Variants in CADM2 observed in about 807,000 individuals in gnomAD.
CADM2 encodes immunoglobulin superfamily member 4D.
A neutral mutation model predicts 49.8 loss-of-function variants in CADM2; 12 were observed. The ratio of observed to expected loss-of-function variants is 0.24; its 90% CI spans 0.15 to 0.39. The LOEUF (loss-of-function observed/expected upper bound fraction) is 0.39, where lower values mean the gene tolerates loss of function less well. Among genes scored for constraint, CADM2 ranks in the 10% least tolerant of loss-of-function variants. The pLI, the probability that CADM2 is intolerant of heterozygous loss-of-function variation, is 1.00. For missense variants in CADM2, 378 were observed against 492.3 expected (o/e 0.77, Z 2.20); for synonymous variants, 214 against 175.4 (o/e 1.22, Z -1.74).
At chr3:85,239,767 C>A (rs1333690828) in intron 1 of CADM2, among the ~76,000 whole-genome samples, 1 of 151,000 alleles carries the variant, frequency 6.6e-6, no homozygotes, top group Non-Finnish European at 1.5e-5. Context: ...AAATAATTGA[C>A]TTCTTTAAAA....
At chr3:86,058,239 A>C (rs148862931) in intron 8 of CADM2, among the ~76,000 whole-genome samples, 6 of 152,262 alleles carry the variant, frequency 3.9e-5, no homozygotes, top group African/African-American at 1.4e-4. Flanking sequence ...CAGTTTTCAC[A>C]TGGAGTAAAT....
At chr3:85,485,226 A>G (rs2039369995) in intron 1 of CADM2, among the ~76,000 whole-genome samples, 1 of 151,900 alleles carries the variant, frequency 6.6e-6, no homozygotes, top group South Asian at 2.1e-4. Flanking sequence ...TTATTCACCA[A>G]TATAAATTCC....
chr3:85,246,880 G>A (rs1024611248), intron 1 of CADM2, among the ~76,000 whole-genome samples: 6 of 152,044 alleles, frequency 3.9e-5, no homozygotes, highest in African/African-American at 1.4e-4. Flanking sequence ...TGGTGTTTGT[G>A]TGAGAGATTT....
At chr3:85,911,815 A>T (rs993113730) in intron 5 of CADM2, among the ~76,000 whole-genome samples, 4 of 152,170 alleles carry the variant, frequency 2.6e-5, no homozygotes, top group Non-Finnish European at 5.9e-5. Flanking sequence ...ATATAAGAAT[A>T]TCTTGTGCCT....
At chr3:85,213,938 T>A (rs1167126428) in intron 1 of CADM2, among the ~76,000 whole-genome samples, 1 of 152,162 alleles carries the variant, frequency 6.6e-6, no homozygotes, top group Non-Finnish European at 1.5e-5. Context: ...TCAATATTTG[T>A]TAAATTTATC....
intron 8 of CADM2, among the ~76,000 whole-genome samples, chr3:86,016,091 T>G: frequency 6.6e-6 from 1 of 152,122 alleles, no homozygotes. Context: ...ATTTACGAGC[T>G]TCTAGAAATT....
At chr3:85,036,625 G>A (rs2035223109) in intron 1 of CADM2, among the ~76,000 whole-genome samples, 1 of 152,050 alleles carries the variant, frequency 6.6e-6, no homozygotes, top group South Asian at 2.1e-4. Flanking sequence ...AAAAAAGAAT[G>A]TTATCCTTCA....
At chr3:84,996,925 A>C (rs2033211315) in intron 1 of CADM2, among the ~76,000 whole-genome samples, 1 of 152,122 alleles carries the variant, frequency 6.6e-6, no homozygotes, top group Admixed American at 6.6e-5. Flanking sequence ...GAAAATGTGT[A>C]AATGCTACTC....
chr3:86,005,387 T>C (rs557704107), intron 8 of CADM2, among the ~76,000 whole-genome samples: 1 of 151,828 alleles, frequency 6.6e-6, no homozygotes, highest in Non-Finnish European at 1.5e-5. Context: ...CCCATTCCTA[T>C]TAAAAATACA....
intron 1 of CADM2, among the ~76,000 whole-genome samples, chr3:85,470,376 C>G (rs1471553569): frequency 1.2e-4 from 19 of 152,106 alleles, no homozygotes; most frequent in Non-Finnish European, 1.5e-5. Flanking sequence ...CTTTCAAAAA[C>G]TTAAAGACAC....
At chr3:85,956,604 A>G (rs1303946776) in intron 7 of CADM2, among the ~76,000 whole-genome samples, 1 of 150,848 alleles carries the variant, frequency 6.6e-6, no homozygotes, top group African/African-American at 2.4e-5. Flanking sequence ...ACACAACTAT[A>G]TCCTCCTGTT....
At chr3:85,309,309 T>C (rs1214414232) in intron 1 of CADM2, among the ~76,000 whole-genome samples, 1 of 152,146 alleles carries the variant, frequency 6.6e-6, no homozygotes, top group Non-Finnish European at 1.5e-5. Context: ...ACTTTTCCAC[T>C]TATAATTTAA....
intron 1 of CADM2, among the ~76,000 whole-genome samples, chr3:85,047,974 T>C (rs954597824): frequency 2.0e-5 from 3 of 152,120 alleles, no homozygotes; most frequent in Non-Finnish European, 4.4e-5. Flanking sequence ...CCCCAACTTT[T>C]AATTAATGTA....
At chr3:85,999,984 G>A (rs935275671) in intron 8 of CADM2, among the ~76,000 whole-genome samples, 1 of 152,130 alleles carries the variant, frequency 6.6e-6, no homozygotes, top group South Asian at 2.1e-4. Flanking sequence ...AAGAGATGTT[G>A]AATATATTGT....
chr3:85,774,143 G>A (rs917661441), intron 2 of CADM2, among the ~76,000 whole-genome samples: 5 of 151,386 alleles, frequency 3.3e-5, no homozygotes, highest in African/African-American at 1.2e-4. Flanking sequence ...GGAATATTGT[G>A]TTTCTAACTG....
intron 1 of CADM2, among the ~76,000 whole-genome samples, chr3:85,505,834 T>C (rs556895472): frequency 6.6e-6 from 1 of 152,314 alleles, no homozygotes; most frequent in South Asian, 2.1e-4. Flanking sequence ...ATATGTTAGC[T>C]CTAGTCAAAC....
chr3:85,283,557 T>C (rs1375572655), intron 1 of CADM2, among the ~76,000 whole-genome samples: 2 of 152,126 alleles, frequency 1.3e-5, no homozygotes, highest in Admixed American at 1.3e-4. Flanking sequence ...CTGTATTTGA[T>C]ACTTTGTATT....
In CADM2 at chr3:85,005,296, A is replaced by G. The variant is rs571036157; in HGVS notation, c.61+45628A>G. ...AAATAATGTGTAAAATGATGGGTGT[A>G]GCTGTGTTCCAATAAAACTTATTTA... On this transcript the variant is annotated intron_variant, in intron 1 of 9. Transcript: ENST00000383699. Among the ~76,000 whole-genome samples, 9 of 152,266 alleles carry G rather than the reference A, an allele frequency of 5.9e-5. No homozygotes were observed. The East Asian group carries it at 7.7e-4, about 13-fold the overall frequency.
chr3:85,351,193 T>A (rs1002049380), intron 1 of CADM2, among the ~76,000 whole-genome samples: 1 of 152,140 alleles, frequency 6.6e-6, no homozygotes, highest in African/African-American at 2.4e-5. Flanking sequence ...AAATTTGGCA[T>A]GATTGAACTG....
Sources: allele counts gnomAD v4.1 joint callset (sites outside exome capture counted in the v4.1 genomes callset), GRCh38; gene constraint gnomAD v4.1.1; transcripts MANE v1.5; gene names NCBI Gene and HGNC (gene_info 2026-07-23, HGNC 2026-07-21).